NOL4: variants seen among roughly 807,000 people sequenced by gnomAD.
NOL4 encodes the protein cancer/testis antigen 125.
Under a neutral mutation model 75.9 loss-of-function variants are expected in NOL4, and 17 were observed. The ratio of observed to expected loss-of-function variants is 0.22; its 90% confidence interval spans 0.15 to 0.34. The LOEUF (loss-of-function observed/expected upper bound fraction) is 0.34, where lower values mean the gene tolerates loss of function less well. Among genes scored for constraint, NOL4 ranks in the 10% least tolerant of loss-of-function variants. The pLI is 1.00. For synonymous variants in NOL4, 292 were observed against 289.9 expected (o/e 1.01, Z -0.07); for missense variants, 614 against 793.5 (o/e 0.77, Z 2.72).
At chr18:34,123,590 T>G (rs117712826) in intron 2 of NOL4, among the ~76,000 whole-genome samples, 5,802 of 146,144 alleles carry the variant, frequency 0.04, 124 homozygotes, top group African/African-American at 0.054. Flanking sequence ...AGAATATATA[T>G]AGAGAGATAG....
intron 5 of NOL4, among the ~76,000 whole-genome samples, chr18:34,046,618 A>ATATATATATATG (rs2076384529): frequency 8.7e-6 from 1 of 114,416 alleles, no homozygotes; most frequent in Non-Finnish European, 2.0e-5. Context: ...ATATATATAT[A>ATATATATATATG]TATATATATA....
At chr18:34,070,365 C>T (rs1353666794) in intron 5 of NOL4, among the ~76,000 whole-genome samples, 1 of 152,198 alleles carries the variant, frequency 6.6e-6, no homozygotes, top group East Asian at 1.9e-4. Context: ...TCTCTACTTG[C>T]CTTTCAGTCT....
At chr18:34,134,029 T>C (rs1374265334) in intron 1 of NOL4, among the ~76,000 whole-genome samples, 2 of 152,168 alleles carry the variant, frequency 1.3e-5, no homozygotes, top group African/African-American at 2.4e-5. Context: ...CCTCAAAATA[T>C]ATATATACTT....
intron 6 of NOL4, among the ~76,000 whole-genome samples, chr18:34,006,870 A>C (rs542342667): frequency 6.6e-6 from 1 of 152,098 alleles, no homozygotes; most frequent in East Asian, 1.9e-4. Context: ...CAAAGGCTAC[A>C]TGTGCTTCAA....
At chr18:34,142,916 A>G (rs2081241044) in intron 1 of NOL4, among the ~76,000 whole-genome samples, 1 of 152,202 alleles carries the variant, frequency 6.6e-6, no homozygotes, top group Non-Finnish European at 1.5e-5. Flanking sequence ...ACTGATAATC[A>G]AAAATATTCA....
chr18:34,166,551 C>A (rs1407685252), intron 1 of NOL4, among the ~76,000 whole-genome samples: 1 of 151,974 alleles, frequency 6.6e-6, no homozygotes, highest in Non-Finnish European at 1.5e-5. Flanking sequence ...TGGTAAATGT[C>A]CATAAATGCA....
chr18:34,178,266 G>A (rs1387735731), intron 1 of NOL4, among the ~76,000 whole-genome samples: 3 of 151,552 alleles, frequency 2.0e-5, no homozygotes, highest in African/African-American at 7.3e-5. Flanking sequence ...AACAAGATGT[G>A]TATTAAAATG....
chr18:33,968,159 A>G (rs2145843598), intron 6 of NOL4, among the ~76,000 whole-genome samples: 1 of 152,294 alleles, frequency 6.6e-6, no homozygotes, highest in South Asian at 2.1e-4. Flanking sequence ...GTAGAGAAAA[A>G]AGAATGCTTA....
intron 1 of NOL4, among the ~76,000 whole-genome samples, chr18:34,209,524 G>A (rs191091354): frequency 2.6e-4 from 39 of 152,170 alleles, no homozygotes; most frequent in African/African-American, 7.7e-4. Flanking sequence ...AATTCTAAGC[G>A]AGTCAGGTTA....
chr18:33,997,579 T>A (rs1318875042), intron 6 of NOL4, among the ~76,000 whole-genome samples: 1 of 151,148 alleles, frequency 6.6e-6, no homozygotes, highest in Non-Finnish European at 1.5e-5. Context: ...GCCACAAGCA[T>A]CACATTACCT....
intron 5 of NOL4, among the ~76,000 whole-genome samples, chr18:34,062,775 G>T (rs1180213519): frequency 6.6e-6 from 1 of 152,014 alleles, no homozygotes; most frequent in Non-Finnish European, 1.5e-5. Context: ...AAGCCACTTG[G>T]ACTTTTATAC....
chr18:33,991,622 A>G (rs1422058900), intron 6 of NOL4, among the ~76,000 whole-genome samples: 1 of 152,048 alleles, frequency 6.6e-6, no homozygotes, highest in Non-Finnish European at 1.5e-5. Flanking sequence ...GGATCAATGC[A>G]TCAGAATTAC....
intron 5 of NOL4, among the ~76,000 whole-genome samples, chr18:34,061,316 G>T (rs564531258): frequency 1.7e-4 from 26 of 152,222 alleles, no homozygotes; most frequent in African/African-American, 6.3e-4. Context: ...CAGTGGGTAA[G>T]AAAAATATAA....
chr18:33,927,989 T>C (rs1323804186), intron 9 of NOL4, among the ~76,000 whole-genome samples: 1 of 152,130 alleles, frequency 6.6e-6, no homozygotes, highest in Non-Finnish European at 1.5e-5. Context: ...CTAATACACA[T>C]ATATTGTTGT....
At chr18:34,035,017 G>A (rs1039190151) in intron 5 of NOL4, among the ~76,000 whole-genome samples, 1 of 151,880 alleles carries the variant, frequency 6.6e-6, no homozygotes, top group Non-Finnish European at 1.5e-5. Context: ...CAAGAATAGT[G>A]GGAGACTTCA....
intron 10 of NOL4, among the ~76,000 whole-genome samples, chr18:33,878,763 A>G (rs2064081773): frequency 6.6e-6 from 1 of 152,146 alleles, no homozygotes; most frequent in African/African-American, 2.4e-5. Flanking sequence ...ACAAAAAAAT[A>G]CATCGGAAGT....
At chr18:34,016,635 C>T (rs2074712580) in intron 6 of NOL4, among the ~76,000 whole-genome samples, 1 of 152,104 alleles carries the variant, frequency 6.6e-6, no homozygotes, top group African/African-American at 2.4e-5. Context: ...ATTCCACACT[C>T]ACCTCTGGCA....
intron 5 of NOL4, among the ~76,000 whole-genome samples, chr18:34,052,590 A>G (rs1272397237): frequency 1.3e-5 from 2 of 152,086 alleles, no homozygotes; most frequent in African/African-American, 4.8e-5. Context: ...TATTTATTAA[A>G]CAATCATTTA....
Position 34,126,524 on chromosome 18 carries a change from T to C in NOL4, c.414+3347A>G, listed in dbSNP as rs1378805261. Among the ~76,000 whole-genome samples the C allele has an allele frequency of 2.6e-5, 4 of 152,174 alleles. 1 individual carries two copies. Among genetic ancestry groups the C allele is most frequent in the Admixed American group, 2.6e-4 (4 of 15,278 alleles). Reference sequence around the variant, plus strand: ...GATAACACTGACTTTCCCTCTTAGTTCCTGGATTTCTACCAGTTAGTCTTA... The same window carrying C: ...GATAACACTGACTTTCCCTCTTAGTCCCTGGATTTCTACCAGTTAGTCTTA... On this transcript the variant is annotated intron_variant, in intron 2 of 10. Coordinates refer to ENST00000261592, the MANE Select transcript of NOL4 (RefSeq NM_003787.5).
Sources: gnomAD v4.1 joint callset for allele counts (sites outside exome capture counted in the v4.1 genomes callset) on GRCh38, gnomAD v4.1.1 for gene constraint, MANE v1.5 for transcripts, NCBI Gene and HGNC (gene_info 2026-07-23, HGNC 2026-07-21) for gene names.